DIAPH2: variants seen among roughly 807,000 people sequenced by gnomAD.
DIAPH2 encodes the protein diaphanous related formin 2, also known as protein diaphanous homolog 2.
DIAPH2 carries 35 observed loss-of-function variants against 92.7 expected under a neutral mutation model. The ratio of observed to expected loss-of-function variants is 0.38; its 90% CI spans 0.29 to 0.50. DIAPH2 has a LOEUF of 0.50. Ranked by LOEUF, DIAPH2 falls within the 20% of genes least tolerant of loss-of-function variation. DIAPH2 has a pLI of 0.94. For synonymous variants in DIAPH2, 301 were observed against 280.4 expected (o/e 1.07, Z -0.73); for missense variants, 701 against 819.5 (o/e 0.86, Z 1.77).
chrX:97,250,522 C>T (rs1157136570), intron 23 of DIAPH2, among the ~76,000 whole-genome samples: 2 of 111,860 alleles, frequency 1.8e-5, no homozygotes, highest in Non-Finnish European at 3.8e-5. Context: ...TAGACATTGC[C>T]AGGCATGAAA....
intron 26 of DIAPH2, among the ~76,000 whole-genome samples, chrX:97,590,159 A>G (rs1180244008): frequency 9.0e-6 from 1 of 111,706 alleles, no homozygotes; most frequent in African/African-American, 3.3e-5. Flanking sequence ...GCAGTGGTAT[A>G]TTTCTGTGAT....
At chrX:97,319,598 G>A (rs953340737) in intron 23 of DIAPH2, among the ~76,000 whole-genome samples, 1 of 109,671 alleles carries the variant, frequency 9.1e-6, no homozygotes, top group African/African-American at 3.3e-5. Flanking sequence ...GTGTTAGCTA[G>A]GATGGTCTCA....
At chrX:96,893,074 C>G (rs1300951445) in intron 5 of DIAPH2, among the ~76,000 whole-genome samples, 1 of 111,616 alleles carries the variant, frequency 9.0e-6, no homozygotes, top group Non-Finnish European at 1.9e-5. Context: ...GTTATATGAA[C>G]TAATTTAACT....
At chrX:97,352,642 G>A (rs2069226916) in intron 24 of DIAPH2, among the ~76,000 whole-genome samples, 1 of 108,064 alleles carries the variant, frequency 9.3e-6, no homozygotes, top group Non-Finnish European at 1.9e-5. Flanking sequence ...GGCCAAGGTG[G>A]GCAGATCACG....
chrX:97,234,684 A>G (rs1288936482), intron 22 of DIAPH2, among the ~76,000 whole-genome samples: 1 of 112,105 alleles, frequency 8.9e-6, no homozygotes, highest in African/African-American at 3.2e-5. Flanking sequence ...TTTAAATTTC[A>G]TATACTTTTC....
chrX:97,341,732 C>T (rs1023905277), intron 23 of DIAPH2, among the ~76,000 whole-genome samples: 3 of 111,301 alleles, frequency 2.7e-5, no homozygotes, highest in African/African-American at 6.5e-5. Flanking sequence ...AGATGATAGA[C>T]GGCTCAGCTC....
intron 4 of DIAPH2, among the ~76,000 whole-genome samples, chrX:96,764,634 C>A (rs1235506268): frequency 3.6e-5 from 4 of 111,538 alleles, no homozygotes; most frequent in Admixed American, 9.5e-5. Flanking sequence ...CAAATTTTGT[C>A]CTGCTCCAGG....
At chrX:97,293,367 C>G (rs1461643988) in intron 23 of DIAPH2, among the ~76,000 whole-genome samples, 1 of 107,459 alleles carries the variant, frequency 9.3e-6, no homozygotes, top group African/African-American at 3.4e-5. Flanking sequence ...ATTCTCCTGC[C>G]TCAGCCTCCC....
At chrX:96,969,065 G>A (rs2065911140) in intron 17 of DIAPH2, among the ~76,000 whole-genome samples, 1 of 111,810 alleles carries the variant, frequency 8.9e-6, no homozygotes, top group African/African-American at 3.2e-5. Context: ...GGTTCTCTTA[G>A]TCTGTTCCAT....
intron 22 of DIAPH2, among the ~76,000 whole-genome samples, chrX:97,146,133 CT>C (rs2067246392): frequency 9.9e-6 from 1 of 101,358 alleles, no homozygotes; most frequent in Admixed American, 1.1e-4. Context: ...TATTTAAATA[CT>C]TTTCCTTGGT....
chrX:97,000,228 T>TG (rs982849218), intron 17 of DIAPH2, among the ~76,000 whole-genome samples: 26 of 112,008 alleles, frequency 2.3e-4, no homozygotes, highest in African/African-American at 8.1e-4. Context: ...ACGCAGGCAT[T>TG]GGCTTTAACC....
chrX:97,302,832 A>G (rs1339169635), intron 23 of DIAPH2, among the ~76,000 whole-genome samples: 3 of 111,082 alleles, frequency 2.7e-5, no homozygotes, highest in Non-Finnish European at 5.7e-5. Context: ...AAAAATACAA[A>G]AATTAGCCGG....
intron 23 of DIAPH2, among the ~76,000 whole-genome samples, chrX:97,305,964 A>G (rs1170930402): frequency 2.7e-5 from 3 of 110,346 alleles, no homozygotes; most frequent in Non-Finnish European, 1.9e-5. Flanking sequence ...CCTCATACCT[A>G]ATGGCATTTT....
At chrX:97,494,605 C>A (rs544637008) in intron 26 of DIAPH2, among the ~76,000 whole-genome samples, 1 of 112,140 alleles carries the variant, frequency 8.9e-6, no homozygotes, top group East Asian at 2.8e-4. Flanking sequence ...GCCACCCTTC[C>A]CATTCTTTCT....
chrX:97,036,369 A>G (rs1012988804), intron 17 of DIAPH2, among the ~76,000 whole-genome samples: 1 of 112,573 alleles, frequency 8.9e-6, no homozygotes, highest in African/African-American at 3.2e-5. Context: ...CAATATTCTT[A>G]GAAAATTCAG....
chrX:97,148,156 C>T (rs1204169859), intron 22 of DIAPH2, among the ~76,000 whole-genome samples: 1 of 111,283 alleles, frequency 9.0e-6, no homozygotes, highest in Admixed American at 9.6e-5. Flanking sequence ...TGATAAAGGA[C>T]TTGCCCACGA....
chrX:97,095,089 T>C (rs1456903387), intron 19 of DIAPH2, among the ~76,000 whole-genome samples: 12 of 66,720 alleles, frequency 1.8e-4, no homozygotes, highest in Non-Finnish European at 2.9e-4. Context: ...TAGGGAAATG[T>C]TTCTTTTTCT....
intron 4 of DIAPH2, among the ~76,000 whole-genome samples, chrX:96,873,647 T>TATAC (rs1315292734): frequency 2.1e-5 from 2 of 95,890 alleles, no homozygotes; most frequent in African/African-American, 3.8e-5. Context: ...CGTATATATA[T>TATAC]ACACACACAC....
chrX:97,085,340 A>G (rs2066775623), intron 19 of DIAPH2, among the ~76,000 whole-genome samples: 1 of 112,214 alleles, frequency 8.9e-6, no homozygotes, highest in African/African-American at 3.2e-5. Context: ...AAGTTTTGGC[A>G]GTAGAAGAAT....
Sources: allele counts gnomAD v4.1 joint callset (sites outside exome capture counted in the v4.1 genomes callset), GRCh38; gene constraint gnomAD v4.1.1; transcripts MANE v1.5; gene names NCBI Gene and HGNC (gene_info 2026-07-23, HGNC 2026-07-21).